Variants in GRAMD1B observed in about 807,000 individuals in gnomAD.
GRAMD1B encodes the protein protein Aster-B.
A neutral mutation model predicts 99.7 loss-of-function variants in GRAMD1B; 37 were observed. The ratio of observed to expected loss-of-function variants is 0.37; its 90% confidence interval spans 0.29 to 0.49. The LOEUF is 0.49. Ranked by LOEUF, GRAMD1B falls within the 20% of genes least tolerant of loss-of-function variation. The pLI is 0.98. For synonymous variants in GRAMD1B, 427 were observed against 387.6 expected (o/e 1.10, Z -1.19); for missense variants, 888 against 1,009.2 (o/e 0.88, Z 1.63).
intron 2 of GRAMD1B, among the ~76,000 whole-genome samples, chr11:123,488,360 G>A (rs1477014209): frequency 6.6e-6 from 1 of 152,146 alleles, no homozygotes; most frequent in Non-Finnish European, 1.5e-5. Flanking sequence ...CCCCTCCGGG[G>A]CTGTGGAGGA....
In GRAMD1B at chr11:123,577,509, A is replaced by G; in HGVS notation, c.595A>G (p.Thr199Ala). The part of the protein sequence containing the change: ...SDHSSDKSPS[T>A]PEQGVQRSCS... ...TCACTCCTCGGACAAGTCCCCGTCCACACCGGAGCAGGGCGTGCAGCGCAG... is the reference window on the plus strand; with the variant it reads ...TCACTCCTCGGACAAGTCCCCGTCCGCACCGGAGCAGGGCGTGCAGCGCAG... Residue 199 changes from threonine to alanine, a missense_variant, in exon 3 of 20, where the codon ACA becomes GCA. Physicochemically the swap from Thr to Ala is moderately conservative, Grantham distance 58. Around this residue, in one of 5 missense-constraint regions of GRAMD1B, gnomAD observed 233 missense variants for 154.6 expected, o/e 1.51. Transcript: ENST00000635736. The G allele has an allele frequency of 6.2e-7, 1 of 1,601,612 alleles. No homozygotes were observed. Among genetic ancestry groups the G allele is most frequent in the South Asian group, 1.1e-5 (1 of 88,606 alleles).
chr11:123,543,323 A>G (rs990269137), intron 2 of GRAMD1B, among the ~76,000 whole-genome samples: 20 of 152,222 alleles, frequency 1.3e-4, no homozygotes, highest in African/African-American at 4.1e-4. Flanking sequence ...ATAAAAATAT[A>G]CATGGACTTT....
In GRAMD1B at chr11:123,492,054, C is replaced by G. The variant is rs1459585737; in HGVS notation, c.452+11161C>G. On this transcript the variant is annotated intron_variant, in intron 2 of 19. Transcript: ENST00000635736. This position sits in a 1 kb window ranked among gnomAD's most constrained non-coding sequence, Gnocchi z 4.2. ...TAGGTCCCTGCCCAAGAGGGACACT[C>G]GGTGATCCATTGCAAGAGGCTGAAG... The G allele has an allele frequency of 2.5e-6, 1 of 395,294 alleles. No homozygotes were observed. Among genetic ancestry groups the G allele is most frequent in the South Asian group, 1.4e-4 (1 of 7,230 alleles). The allele number at this position is 395,294 out of a possible 1,614,324, so 24.5% of individuals were successfully genotyped here.
At position 123,622,536 on chromosome 11, in the gene GRAMD1B, G is replaced by C; in HGVS notation, c.2575G>C (p.Gly859Arg). ...MKDSLINLQN[G>R]IRSRDYTSES... ...GGACTCGCTCATCAACCTTCAGAACGGCATCAGGTCCCGCGACTACACGTC... is the reference window on the plus strand; with the variant it reads ...GGACTCGCTCATCAACCTTCAGAACCGCATCAGGTCCCGCGACTACACGTC... Residue 859 changes from glycine to arginine, a missense_variant, in exon 20 of 20, where the codon GGC becomes CGC. By Grantham distance (125) the Gly-to-Arg change is moderately radical (BLOSUM62 -2). Coordinates refer to ENST00000635736, the MANE Select transcript of GRAMD1B (RefSeq NM_001387025.1). 6.4e-7 allele frequency: 1 copy of C among 1,558,258 alleles called. No individual in the cohort carries two copies. Among genetic ancestry groups the C allele is most frequent in the Non-Finnish European group, 8.7e-7 (1 of 1,150,802 alleles).
chr11:123,367,828 G>T (rs538555415), intron 1 of GRAMD1B, among the ~76,000 whole-genome samples: 312 of 152,252 alleles, frequency 2.0e-3, no homozygotes, highest in African/African-American at 7.4e-3. Flanking sequence ...GGGGGTTGCT[G>T]AGTGGTCCGG....
intron 1 of GRAMD1B, among the ~76,000 whole-genome samples, chr11:123,411,194 C>T (rs962589241): frequency 9.9e-5 from 15 of 151,754 alleles, no homozygotes; most frequent in South Asian, 2.1e-4. Context: ...TTAGTAGAGA[C>T]GGTATTTCAC....
intron 1 of GRAMD1B, chr11:123,454,830 G>A (rs1042013358): frequency 6.6e-6 from 1 of 152,182 alleles, no homozygotes; most frequent in Non-Finnish European, 1.5e-5. Flanking sequence ...AAGAACCAAG[G>A]TAAGATTTAA....
chr11:123,540,658 A>G (rs1307694104), intron 2 of GRAMD1B, among the ~76,000 whole-genome samples: 2 of 152,138 alleles, frequency 1.3e-5, no homozygotes, highest in African/African-American at 4.8e-5. Flanking sequence ...GAAAATATAA[A>G]GAGCCAAAAG....
chr11:123,414,931 A>G (rs12575737), intron 1 of GRAMD1B, among the ~76,000 whole-genome samples: 26,879 of 151,996 alleles, frequency 0.18, 2,963 homozygotes, highest in African/African-American at 0.32. Context: ...TCTCTTTCAG[A>G]AGATATTCTC....
chr11:123,569,927 T>A (rs937331472), intron 2 of GRAMD1B, among the ~76,000 whole-genome samples: 2 of 152,210 alleles, frequency 1.3e-5, no homozygotes, highest in African/African-American at 4.8e-5. Context: ...AAAGATGATG[T>A]CCCATCGGGT....
At chr11:123,525,655 G>A (rs76058480) in intron 2 of GRAMD1B, 1,846 of 178,546 alleles carry the variant, frequency 0.01, 37 homozygotes, top group African/African-American at 0.041. Context: ...GGAGCTGCGG[G>A]AGCTGCCGCC....
At chr11:123,576,218 C>CA (rs1001646033) in intron 2 of GRAMD1B, among the ~76,000 whole-genome samples, 31 of 152,328 alleles carry the variant, frequency 2.0e-4, no homozygotes, top group Admixed American at 1.8e-3. Flanking sequence ...ACAGTGTCCC[C>CA]AGCCCTGCAC....
intron 1 of GRAMD1B, among the ~76,000 whole-genome samples, chr11:123,415,186 T>C (rs1289174418): frequency 7.9e-6 from 1 of 126,818 alleles, no homozygotes; most frequent in East Asian, 2.7e-4. Context: ...CACTGCAACC[T>C]CCGCCAACCA....
intron 15 of GRAMD1B, 80 bp from the exon 16 acceptor site, chr11:123,613,375 A>G: frequency 9.4e-7 from 1 of 1,066,252 alleles, no homozygotes; most frequent in Non-Finnish European, 1.4e-6. Context: ...CCCAGAATAC[A>G]GAATAGGAAA....
chr11:123,543,769 A>G (rs1591913553), intron 2 of GRAMD1B, among the ~76,000 whole-genome samples: 2 of 152,198 alleles, frequency 1.3e-5, no homozygotes, highest in South Asian at 2.1e-4. Flanking sequence ...CACTGATGCC[A>G]TCCTTTATCT....
At chr11:123,506,930 A>C (rs941094949) in intron 2 of GRAMD1B, among the ~76,000 whole-genome samples, 5 of 152,110 alleles carry the variant, frequency 3.3e-5, no homozygotes, top group African/African-American at 1.2e-4. Flanking sequence ...TCCTGCTTTG[A>C]GTTCAGACAT....
intron 2 of GRAMD1B, among the ~76,000 whole-genome samples, chr11:123,505,716 C>T (rs1216507589): frequency 6.6e-6 from 1 of 152,150 alleles, no homozygotes; most frequent in Non-Finnish European, 1.5e-5. Context: ...AACTCTTCCT[C>T]ACGCTCAGCT....
intron 2 of GRAMD1B, among the ~76,000 whole-genome samples, 151 bp downstream of exon 2, chr11:123,481,044 A>C (rs1304564605): frequency 6.6e-6 from 1 of 152,206 alleles, no homozygotes. Context: ...TTGACTGATT[A>C]GAAAGACAAA....
chr11:123,375,219 G>T (rs1184099900), intron 1 of GRAMD1B, among the ~76,000 whole-genome samples: 1 of 152,092 alleles, frequency 6.6e-6, no homozygotes, highest in Admixed American at 6.5e-5. Context: ...TTCAAATCTA[G>T]GTCTGATTTC....
Sources: gnomAD v4.1 joint callset for allele counts (sites outside exome capture counted in the v4.1 genomes callset) on GRCh38, gnomAD v4.1.1 for gene constraint, gnomAD v4.1.1 regional missense constraint, Gnocchi (gnomAD v3.1) non-coding constraint, MANE v1.5 for transcripts, NCBI Gene and HGNC (gene_info 2026-07-23, HGNC 2026-07-21) for gene names.